The following TXNRD2 variants were observed in gnomAD, a reference collection of about 807,000 sequenced individuals.
TXNRD2 encodes the protein thioredoxin reductase 2, also known as thioredoxin reductase 2, mitochondrial.
TXNRD2 carries 67 observed loss-of-function variants against 70.8 expected under a neutral mutation model. The ratio of observed to expected loss-of-function variants is 0.95; its 90% CI spans 0.78 to 1.16. The LOEUF (loss-of-function observed/expected upper bound fraction) is 1.16, where lower values mean the gene tolerates loss of function less well. TXNRD2 is among the 50% of genes most tolerant of loss of function. TXNRD2 has a pLI of 0.00. For missense variants in TXNRD2, 644 were observed against 719.9 expected (o/e 0.89, Z 1.21); for synonymous variants, 301 against 295.8 (o/e 1.02, Z -0.18).
chr22:19,908,474 A>G (rs1232934841), intron 8 of TXNRD2, among the ~76,000 whole-genome samples: 1 of 152,154 alleles, frequency 6.6e-6, no homozygotes, highest in Non-Finnish European at 1.5e-5. Flanking sequence ...AATAAAAATT[A>G]AAGAAAGAAA....
At chr22:19,939,720 A>T (rs986901682) in intron 1 of TXNRD2, among the ~76,000 whole-genome samples, 2 of 152,162 alleles carry the variant, frequency 1.3e-5, no homozygotes, top group Non-Finnish European at 2.9e-5. Context: ...ATCCATCTAG[A>T]AGCTCAAGTC....
In TXNRD2 at chr22:19,895,254, C is replaced by A. The variant is rs1179640743; in HGVS notation, c.949+153G>T. ...GTGTGAGTGCCGCCCCACAGGCCTT[C>A]ACGGTTGCTCTCGAGGTGCACTGGG... On this transcript the variant is annotated intron_variant, in intron 11 of 17. Transcript: ENST00000400521. The A allele has an allele frequency of 3.1e-6, 5 of 1,594,878 alleles. No homozygotes were observed. The East Asian group carries it at 1.1e-4, about 36-fold the overall frequency.
At chr22:19,923,112 T>C (rs1380183320) in intron 2 of TXNRD2, among the ~76,000 whole-genome samples, 1 of 152,242 alleles carries the variant, frequency 6.6e-6, no homozygotes, top group East Asian at 1.9e-4. Context: ...CCTTCCCAAG[T>C]GGCCATTTAA....
intron 7 of TXNRD2, among the ~76,000 whole-genome samples, chr22:19,914,348 T>C (rs1412719589): frequency 1.3e-5 from 2 of 152,196 alleles, no homozygotes; most frequent in Middle Eastern, 3.2e-3. Flanking sequence ...AAATAACACA[T>C]GTGTTTATCC....
intron 8 of TXNRD2, among the ~76,000 whole-genome samples, chr22:19,904,532 C>A (rs1008399111): frequency 1.3e-5 from 2 of 152,174 alleles, no homozygotes; most frequent in African/African-American, 4.8e-5. Flanking sequence ...TGGCATGGTA[C>A]GACCTTGCAG....
At chr22:19,902,994 G>A (rs1018046355) in intron 8 of TXNRD2, 1 of 518,656 alleles carries the variant, frequency 1.9e-6, no homozygotes, top group African/African-American at 1.9e-5. Context: ...ACACTGACAG[G>A]CAGCCTTAAA....
At chr22:19,889,272 C>A (rs1939163442) in intron 11 of TXNRD2, among the ~76,000 whole-genome samples, 1 of 152,204 alleles carries the variant, frequency 6.6e-6, no homozygotes, top group Non-Finnish European at 1.5e-5. Context: ...CCCAGAGGAC[C>A]CCCAGGAAGG....
At chr22:19,880,857 G>A in intron 12 of TXNRD2, 140 bp from the exon 13 acceptor site, 1 of 652,980 alleles carries the variant, frequency 1.5e-6, no homozygotes, top group Non-Finnish European at 2.7e-6. Flanking sequence ...GTGACGTACA[G>A]CATTCCCCCT....
chr22:19,916,156 C>T (rs1259492498), intron 5 of TXNRD2: 4 of 384,690 alleles, frequency 1.0e-5, no homozygotes. Context: ...CTGGACCTCT[C>T]TTGGGGACAG....
At chr22:19,938,930 C>T (rs1409613465) in intron 1 of TXNRD2, among the ~76,000 whole-genome samples, 1 of 152,106 alleles carries the variant, frequency 6.6e-6, no homozygotes. Flanking sequence ...CTAAATGTTC[C>T]TAAAAACAAT....
chr22:19,940,848 A>C (rs568721838), intron 1 of TXNRD2, among the ~76,000 whole-genome samples: 1 of 152,202 alleles, frequency 6.6e-6, no homozygotes, highest in East Asian at 1.9e-4. Flanking sequence ...TCCGTCCTGG[A>C]GACCCCCAAA....
chr22:19,892,970 C>A (rs180998711), intron 11 of TXNRD2, among the ~76,000 whole-genome samples: 1 of 152,234 alleles, frequency 6.6e-6, no homozygotes, highest in Non-Finnish European at 1.5e-5. Context: ...TGATCACCTC[C>A]GGGCCAAGAG....
At chr22:19,926,486 T>C (rs1941150046) in intron 2 of TXNRD2, among the ~76,000 whole-genome samples, 1 of 147,858 alleles carries the variant, frequency 6.8e-6, no homozygotes, top group South Asian at 2.1e-4. Context: ...CGAGACTCCA[T>C]CTCAAAAAAC....
chr22:19,911,042 T>C (rs1382615363), intron 8 of TXNRD2: 11 of 366,770 alleles, frequency 3.0e-5, no homozygotes, highest in Non-Finnish European at 4.7e-5. Context: ...GCCATTGCAA[T>C]TCAGTTTGGG....
chr22:19,878,500 C>T, intron 14 of TXNRD2, 63 bp from the exon 15 acceptor site: 1 of 1,436,988 alleles, frequency 7.0e-7, no homozygotes, highest in Non-Finnish European at 9.8e-7. Context: ...GCACCTGCAG[C>T]TCCCACAGGC....
At chr22:19,932,657 A>G in intron 1 of TXNRD2, 6 of 1,207,822 alleles carry the variant, frequency 5.0e-6, no homozygotes, top group African/African-American at 1.5e-5. Context: ...ACTGATGACA[A>G]GACTCTAGGG....
intron 2 of TXNRD2, among the ~76,000 whole-genome samples, chr22:19,927,016 G>A (rs1038216788): frequency 2.6e-5 from 4 of 151,926 alleles, no homozygotes; most frequent in Non-Finnish European, 5.9e-5. Flanking sequence ...TCCCTTGACC[G>A]GGCACAGTGG....
At chr22:19,885,344 G>T (rs1045960347) in intron 11 of TXNRD2, among the ~76,000 whole-genome samples, 3 of 152,198 alleles carry the variant, frequency 2.0e-5, no homozygotes, top group Non-Finnish European at 2.9e-5. Context: ...TGCGGGTGGC[G>T]CCCACCTAAG....
At chr22:19,885,670 G>A (rs1938996449) in intron 11 of TXNRD2, among the ~76,000 whole-genome samples, 2 of 152,210 alleles carry the variant, frequency 1.3e-5, no homozygotes, top group South Asian at 2.1e-4. Flanking sequence ...CTCCAACCTG[G>A]TGTCCAGCCC....
Sources: gnomAD v4.1 joint callset for allele counts (sites outside exome capture counted in the v4.1 genomes callset) on GRCh38, gnomAD v4.1.1 for gene constraint, MANE v1.5 for transcripts, NCBI Gene and HGNC (gene_info 2026-07-23, HGNC 2026-07-21) for gene names.